The following DENND1B variants were observed in gnomAD, a reference collection of about 807,000 sequenced individuals.
DENND1B encodes the protein DENN domain-containing protein 1B.
Under a neutral mutation model 90.1 loss-of-function variants are expected in DENND1B, and 59 were observed. The ratio of observed to expected loss-of-function variants is 0.65; its 90% CI spans 0.53 to 0.81. The LOEUF (loss-of-function observed/expected upper bound fraction) is 0.81. DENND1B is among the 40% of genes least tolerant of loss of function. The pLI, the probability that DENND1B is intolerant of heterozygous loss-of-function variation, is 0.00. For synonymous variants in DENND1B, 337 were observed against 324.6 expected (o/e 1.04, Z -0.41); for missense variants, 862 against 912.6 (o/e 0.94, Z 0.71).
chr1:197,519,991 G>T (rs939343461), intron 20 of DENND1B, among the ~76,000 whole-genome samples: 2 of 151,834 alleles, frequency 1.3e-5, no homozygotes, highest in Non-Finnish European at 2.9e-5. Context: ...CATAGATTTA[G>T]CAGGGAAGTA....
In DENND1B at chr1:197,734,627, AC is replaced by A. The variant is rs981308987; in HGVS notation, c.83-19554del. 43 of 984,802 alleles carry A rather than the reference AC, an allele frequency of 4.4e-5. No individual in the cohort carries two copies. The African/African-American group carries it at 7.2e-4, about 16-fold the overall frequency. 61.0% of individuals were successfully genotyped at this position (984,802 alleles called of 1,614,324 possible). A position where few individuals can be genotyped will look rare whatever the true frequency, so the allele number is the denominator to read the frequency against. ...TTACATTCGTAATTTAAAAAAAAAA[AC>A]TTTGCAAAATAATCAGAATAGTTCA... On this transcript the variant is annotated intron_variant, in intron 2 of 22. Coordinates refer to ENST00000620048, the MANE Select transcript of DENND1B (RefSeq NM_001195215.2).
At chr1:197,745,000 C>T (rs1223478635) in intron 2 of DENND1B, among the ~76,000 whole-genome samples, 1 of 152,190 alleles carries the variant, frequency 6.6e-6, no homozygotes, top group Non-Finnish European at 1.5e-5. Context: ...TTTTCTTCTG[C>T]TGCTTCCACA....
chr1:197,735,535 A>AT, intron 2 of DENND1B: 1 of 1,612,802 alleles, frequency 6.2e-7, no homozygotes, highest in Non-Finnish European at 8.5e-7. Context: ...ACTATGAAAC[A>AT]TTCCATTTAC....
At chr1:197,611,797 T>G in intron 12 of DENND1B, 134 bp downstream of exon 12, 5 of 673,754 alleles carry the variant, frequency 7.4e-6, no homozygotes, top group Non-Finnish European at 1.2e-5. Flanking sequence ...TTTTTAAAAA[T>G]GATAAGCATA....
intron 15 of DENND1B, among the ~76,000 whole-genome samples, chr1:197,573,479 G>C (rs555062497): frequency 6.6e-6 from 1 of 152,048 alleles, no homozygotes; most frequent in Non-Finnish European, 1.5e-5. Flanking sequence ...CAACCAAAAA[G>C]AGTCCAGGAC....
intron 5 of DENND1B, among the ~76,000 whole-genome samples, chr1:197,665,456 C>T (rs1654849333): frequency 6.6e-6 from 1 of 152,110 alleles, no homozygotes; most frequent in Non-Finnish European, 1.5e-5. Flanking sequence ...AAAAATAATG[C>T]ATACATGTCA....
At chr1:197,628,472 T>A (rs1679000971) in intron 10 of DENND1B, among the ~76,000 whole-genome samples, 1 of 152,164 alleles carries the variant, frequency 6.6e-6, no homozygotes, top group Admixed American at 6.6e-5. Context: ...TGGCTAGCCA[T>A]ATGTAGAAAG....
At chr1:197,584,265 TGA>T (rs1164399648) in intron 14 of DENND1B, among the ~76,000 whole-genome samples, 4 of 152,170 alleles carry the variant, frequency 2.6e-5, no homozygotes, top group Non-Finnish European at 4.4e-5. Context: ...AATAAAATAA[TGA>T]GAGTAACTAA....
At chr1:197,619,890 A>T (rs1677992885) in intron 10 of DENND1B, among the ~76,000 whole-genome samples, 1 of 151,204 alleles carries the variant, frequency 6.6e-6, no homozygotes, top group Non-Finnish European at 1.5e-5. Context: ...ATCAAGATCT[A>T]CCAGAAGAGA....
chr1:197,702,160 AG>A (rs1359633189), intron 3 of DENND1B, among the ~76,000 whole-genome samples: 3 of 152,208 alleles, frequency 2.0e-5, no homozygotes, highest in African/African-American at 7.2e-5. Flanking sequence ...TCTATAAAAT[AG>A]GAAGTTGAAC....
At chr1:197,575,294 CAA>C (rs1195065938) in intron 15 of DENND1B, among the ~76,000 whole-genome samples, 2 of 151,862 alleles carry the variant, frequency 1.3e-5, no homozygotes, top group African/African-American at 4.8e-5. Flanking sequence ...AGACGCTTCT[CAA>C]AAGACATTTA....
At chr1:197,730,636 C>G in intron 2 of DENND1B, among the ~76,000 whole-genome samples, 1 of 152,024 alleles carries the variant, frequency 6.6e-6, no homozygotes, top group Middle Eastern at 3.4e-3. Context: ...TAAAGGGCTA[C>G]TTGAATTTTT....
chr1:197,650,237 C>T, intron 7 of DENND1B, among the ~76,000 whole-genome samples: 1 of 152,134 alleles, frequency 6.6e-6, no homozygotes, highest in East Asian at 1.9e-4. Context: ...ATTTAGCAAA[C>T]AGCAATAAAA....
At chr1:197,651,709 G>A (rs897952209) in intron 7 of DENND1B, among the ~76,000 whole-genome samples, 4 of 123,678 alleles carry the variant, frequency 3.2e-5, no homozygotes, top group Non-Finnish European at 4.7e-5. Context: ...AGGCTGGAGT[G>A]CAGTAACACG....
chr1:197,648,846 T>G (rs546773077), intron 7 of DENND1B, among the ~76,000 whole-genome samples: 1 of 152,344 alleles, frequency 6.6e-6, no homozygotes, highest in South Asian at 2.1e-4. Context: ...CTCTGTGCTC[T>G]TCTATATTTT....
chr1:197,626,624 A>G (rs1678759958), intron 10 of DENND1B, among the ~76,000 whole-genome samples: 1 of 152,148 alleles, frequency 6.6e-6, no homozygotes, highest in Admixed American at 6.6e-5. Context: ...GAACTAGAAG[A>G]GCAAGAGCAA....
chr1:197,549,923 C>T (rs1201980798), intron 16 of DENND1B, among the ~76,000 whole-genome samples: 1 of 152,082 alleles, frequency 6.6e-6, no homozygotes, highest in Non-Finnish European at 1.5e-5. Context: ...CTAGATGTTC[C>T]TTATCTGATT....
intron 10 of DENND1B, among the ~76,000 whole-genome samples, chr1:197,631,294 T>A (rs1679301924): frequency 6.6e-6 from 1 of 152,124 alleles, no homozygotes; most frequent in South Asian, 2.1e-4. Context: ...ATCATTGTAT[T>A]TAACAACTAG....
intron 2 of DENND1B, among the ~76,000 whole-genome samples, chr1:197,768,105 C>G (rs1181735474): frequency 6.6e-6 from 1 of 152,084 alleles, no homozygotes; most frequent in Non-Finnish European, 1.5e-5. Context: ...AGAATAAGTA[C>G]AACATATTAG....
Sources: gnomAD v4.1 joint callset for allele counts (sites outside exome capture counted in the v4.1 genomes callset) on GRCh38, gnomAD v4.1.1 for gene constraint, MANE v1.5 for transcripts, NCBI Gene and HGNC (gene_info 2026-07-23, HGNC 2026-07-21) for gene names.